Variants in PPM1L observed in about 807,000 individuals in gnomAD.
PPM1L encodes protein phosphatase, Mg2+/Mn2+ dependent 1L.
PPM1L carries 13 observed loss-of-function variants against 31.4 expected under a neutral mutation model. The observed-to-expected ratio is 0.41, with a 90% CI of 0.27 to 0.66. The LOEUF (loss-of-function observed/expected upper bound fraction) is 0.66. Among genes scored for constraint, PPM1L ranks in the 30% least tolerant of loss-of-function variants. The probability of loss-of-function intolerance (pLI) is 0.29; values close to 1 mark genes in which losing one functional copy is unlikely to be tolerated. For missense variants in PPM1L, 326 were observed against 453.7 expected (o/e 0.72, Z 2.56); for synonymous variants, 184 against 175.4 (o/e 1.05, Z -0.39).
chr3:160,827,447 TTGTGTGTGTGTGTG>T (rs59524935), intron 1 of PPM1L, among the ~76,000 whole-genome samples: 2 of 141,360 alleles, frequency 1.4e-5, no homozygotes, highest in African/African-American at 2.7e-5. Context: ...TGATATAAGT[TTGTGTGTGTGTGTG>T]TGTGTGTGTG....
chr3:160,769,244 G>T (rs1410623467), intron 1 of PPM1L, among the ~76,000 whole-genome samples: 1 of 152,186 alleles, frequency 6.6e-6, no homozygotes, highest in Non-Finnish European at 1.5e-5. Context: ...AGTGGAAATG[G>T]TTGTTGAGTG....
intron 1 of PPM1L, among the ~76,000 whole-genome samples, chr3:160,768,219 A>C (rs952525727): frequency 6.6e-6 from 1 of 152,208 alleles, no homozygotes; most frequent in Non-Finnish European, 1.5e-5. Flanking sequence ...TTGAATTGTC[A>C]TGTAATCCAA....
At chr3:160,907,696 T>A (rs985603180) in intron 1 of PPM1L, among the ~76,000 whole-genome samples, 1 of 152,130 alleles carries the variant, frequency 6.6e-6, no homozygotes, top group Non-Finnish European at 1.5e-5. Context: ...GATGATAAAG[T>A]GTTCCTGGGC....
intron 1 of PPM1L, among the ~76,000 whole-genome samples, chr3:160,945,389 C>G (rs1325470442): frequency 2.0e-5 from 3 of 151,952 alleles, no homozygotes; most frequent in Non-Finnish European, 4.4e-5. Flanking sequence ...AGTTTGCCAT[C>G]CTGAATTTAG....
At chr3:161,035,401 C>T (rs1718716310) in intron 2 of PPM1L, among the ~76,000 whole-genome samples, 1 of 152,156 alleles carries the variant, frequency 6.6e-6, no homozygotes, top group South Asian at 2.1e-4. Flanking sequence ...GAGGAAAGAG[C>T]TAATTTTGAG....
intron 2 of PPM1L, among the ~76,000 whole-genome samples, chr3:160,966,882 G>A (rs1716165485): frequency 6.6e-6 from 1 of 151,962 alleles, no homozygotes. Context: ...GATTCACAGA[G>A]AAAAGGTTCA....
At chr3:160,810,719 TA>T (rs1374418993) in intron 1 of PPM1L, among the ~76,000 whole-genome samples, 1 of 152,174 alleles carries the variant, frequency 6.6e-6, no homozygotes, top group African/African-American at 2.4e-5. Flanking sequence ...GTTCAGTATC[TA>T]AAAAGAAAAT....
chr3:161,027,518 A>C (rs978349142), intron 2 of PPM1L, among the ~76,000 whole-genome samples: 2 of 152,176 alleles, frequency 1.3e-5, no homozygotes, highest in Non-Finnish European at 2.9e-5. Flanking sequence ...GAAAGAGAGA[A>C]CTTGTATAGG....
chr3:161,035,531 A>G (rs1390384904), intron 2 of PPM1L, among the ~76,000 whole-genome samples: 1 of 152,234 alleles, frequency 6.6e-6, no homozygotes, highest in Non-Finnish European at 1.5e-5. Context: ...TTGTTACTGT[A>G]AAAATAGTTC....
intron 1 of PPM1L, among the ~76,000 whole-genome samples, chr3:160,761,046 T>C (rs1714956303): frequency 6.6e-6 from 1 of 152,168 alleles, no homozygotes; most frequent in African/African-American, 2.4e-5. Context: ...ATATATATAG[T>C]CTTATTCTTT....
At position 160,966,564 on chromosome 3, in the gene PPM1L, T is replaced by G. The variant is rs1471401805; in HGVS notation, c.574+4654T>G. Among the ~76,000 whole-genome samples, 3 of 152,190 alleles carry G rather than the reference T, an allele frequency of 2.0e-5. 1 individual carries two copies. Reference sequence around the variant, plus strand: ...AAGTACCACTCACTAAATATTCTCTTATGTTGGACATTTTCATTTTTGTTT... The same window carrying G: ...AAGTACCACTCACTAAATATTCTCTGATGTTGGACATTTTCATTTTTGTTT... On this transcript the variant is annotated intron_variant, in intron 2 of 3. Transcript: ENST00000498165.
intron 2 of PPM1L, chr3:161,022,119 C>A: frequency 1.5e-6 from 1 of 656,260 alleles, no homozygotes; most frequent in Non-Finnish European, 2.7e-6. Flanking sequence ...TAGATGTTTT[C>A]TGTTTTAATT....
intron 2 of PPM1L, among the ~76,000 whole-genome samples, chr3:161,014,874 T>C (rs1718029634): frequency 6.6e-6 from 1 of 152,194 alleles, no homozygotes; most frequent in Non-Finnish European, 1.5e-5. Context: ...GGGGGAGTCA[T>C]ATTGTAACAC....
intron 1 of PPM1L, among the ~76,000 whole-genome samples, chr3:160,775,542 A>T (rs1711541659): frequency 6.6e-6 from 1 of 152,218 alleles, no homozygotes. Flanking sequence ...AAATATGTAT[A>T]TAGGATTCTG....
chr3:161,050,256 C>T (rs571561676), intron 2 of PPM1L, among the ~76,000 whole-genome samples: 1 of 152,114 alleles, frequency 6.6e-6, no homozygotes, highest in Non-Finnish European at 1.5e-5. Flanking sequence ...ACAGGTTGAT[C>T]CAGTGAGGAA....
At chr3:160,987,212 TG>T (rs1247133373) in intron 2 of PPM1L, among the ~76,000 whole-genome samples, 1 of 152,144 alleles carries the variant, frequency 6.6e-6, no homozygotes, top group African/African-American at 2.4e-5. Flanking sequence ...TGGGAAGGGT[TG>T]TCAATACTTG....
At chr3:161,057,888 A>T (rs192295907) in intron 2 of PPM1L, among the ~76,000 whole-genome samples, 2 of 151,824 alleles carry the variant, frequency 1.3e-5, no homozygotes, top group Admixed American at 1.3e-4. Context: ...TCCCATCAAA[A>T]GTAGCAGGGT....
chr3:160,877,666 C>G (rs1712564054), intron 1 of PPM1L, among the ~76,000 whole-genome samples: 1 of 152,170 alleles, frequency 6.6e-6, no homozygotes, highest in Non-Finnish European at 1.5e-5. Flanking sequence ...CCAAGTGGGA[C>G]TTCCGGTCCA....
intron 1 of PPM1L, among the ~76,000 whole-genome samples, chr3:160,943,414 G>A (rs1487273315): frequency 1.3e-5 from 2 of 152,144 alleles, no homozygotes; most frequent in Non-Finnish European, 2.9e-5. Context: ...ATTCACTTAC[G>A]TGGAACTCTT....
Sources: gnomAD v4.1 joint callset for allele counts (sites outside exome capture counted in the v4.1 genomes callset) on GRCh38, gnomAD v4.1.1 for gene constraint, MANE v1.5 for transcripts, NCBI Gene and HGNC (gene_info 2026-07-23, HGNC 2026-07-21) for gene names.